Variants in ZNF558 observed in about 807,000 individuals in gnomAD.
ZNF558 encodes zinc finger protein 558.
A neutral mutation model predicts 37.6 loss-of-function variants in ZNF558; 23 were observed. The ratio of observed to expected loss-of-function variants is 0.61; its 90% CI spans 0.44 to 0.87. ZNF558 has a LOEUF of 0.87. Among genes scored for constraint, ZNF558 ranks in the 40% least tolerant of loss-of-function variants. ZNF558 has a pLI of 0.00. For synonymous variants in ZNF558, 189 were observed against 174.4 expected (o/e 1.08, Z -0.66); for missense variants, 429 against 483.7 (o/e 0.89, Z 1.06).
Position 8,829,133 on chromosome 19 carries a change from G to A in ZNF558, c.-509+2185C>T, listed in dbSNP as rs192572114. 2.8e-3 allele frequency among the ~76,000 whole-genome samples: 424 copies of A among 152,044 alleles called. 5 individuals are homozygous for A. The highest frequency in any genetic ancestry group is 9.8e-3 in the African/African-American group (405 of 41,482). ...AAAAATTAACCGGGCATGGTGGTAGGCGCCTGTAATCCCAGCTACTCAGGA... is the reference window on the plus strand; with the variant it reads ...AAAAATTAACCGGGCATGGTGGTAGACGCCTGTAATCCCAGCTACTCAGGA... On this transcript the variant is annotated intron_variant, in intron 2 of 9. Transcript: ENST00000601372.
rs1555768022 is a variant in ZNF558 at position 8,811,579 on chromosome 19, C to A, written c.911G>T (p.Ser304Ile). ...CHDCGKTFRK[S>I]SYLTQHVRTH... ...TCTTACGTGCTGTGTCAGATAGGAG[C>A]TCTTCCTGAAGGTTTTCCCACAATC... Residue 304 changes from serine to isoleucine, a missense_variant, in exon 10 of 10, where the codon AGC becomes ATC. Coordinates refer to ENST00000601372, the MANE Select transcript of ZNF558 (RefSeq NM_144693.3). 4 of 1,613,930 alleles carry A rather than the reference C, an allele frequency of 2.5e-6. No individual in the cohort carries two copies. Among genetic ancestry groups the A allele is most frequent in the Admixed American group, 1.7e-5 (1 of 60,010 alleles).
rs947564945 is a variant in ZNF558 at position 8,822,489 on chromosome 19, G to C, written c.31+140C>G. 5 of 1,194,464 alleles carry C rather than the reference G, an allele frequency of 4.2e-6. No homozygotes were observed. In the African/African-American group the frequency reaches 4.6e-5, roughly 11 times the overall value. The allele number at this position is 1,194,464 out of a possible 1,614,324, so 74.0% of individuals were successfully genotyped here. A position where few individuals can be genotyped will look rare whatever the true frequency, so the allele number is the denominator to read the frequency against. ...AAGTCCCAAATCCCGAGAGCTGCCC[G>C]ATCAGACACGGAGGACCTCTGGGCC... is the stretch of plus-strand genomic sequence containing the variant. On this transcript the variant is annotated intron_variant, in intron 5 of 9. Transcript: ENST00000601372. The surrounding 1 kb of genome is among the most constrained non-coding windows in gnomAD (Gnocchi z 4.4).
chr19:8,820,776 C>T (rs2044065886), intron 7 of ZNF558, among the ~76,000 whole-genome samples: 1 of 152,128 alleles, frequency 6.6e-6, no homozygotes, highest in Non-Finnish European at 1.5e-5. Context: ...ACACCTGGCC[C>T]ATAGCTAAGT....
In ZNF558 at chr19:8,811,284, T is replaced by C; in HGVS notation, c.1206A>G (p.Ile402Met). The C allele has an allele frequency of 6.4e-7, 1 of 1,554,046 alleles. No individual in the cohort carries two copies. The highest frequency in any genetic ancestry group is 8.7e-7 in the Non-Finnish European group (1 of 1,153,098). Residue 402 changes from isoleucine (I) to methionine (M), a missense_variant, in exon 10 of 10, where the codon ATA becomes ATG. Coordinates refer to ENST00000601372, the MANE Select transcript of ZNF558 (RefSeq NM_144693.3). ...CTCCAGAAGTTCCTGCAGTAATTCA[T>C]ATCCATCTATTATGTATTCTCTTGT... is the stretch of plus-strand genomic sequence containing the variant. ...SVHKRIHNRW[I>M]
At position 8,813,108 on chromosome 19, in the gene ZNF558, A is replaced by G. The variant is rs1555768914; in HGVS notation, c.343+19T>C. ...CCAGAGCTATTCCTCACAAGGGCTC[A>G]TATCCACCTGGTGCTCACCTGGACA... On this transcript the variant is annotated intron_variant, in intron 8 of 9. Coordinates refer to ENST00000601372, the MANE Select transcript of ZNF558 (RefSeq NM_144693.3). The G allele has an allele frequency of 6.4e-7, 1 of 1,562,652 alleles. No individual in the cohort carries two copies. Among genetic ancestry groups the G allele is most frequent in the South Asian group, 1.2e-5 (1 of 85,322 alleles).
At chr19:8,837,324 A>G in the ZNF558 span, among the ~76,000 whole-genome samples, 1 of 152,226 alleles carries the variant, frequency 6.6e-6, no homozygotes, top group Non-Finnish European at 1.5e-5. Flanking sequence ...AACAATGGCA[A>G]AATAAGTACT....
At position 8,821,417 on chromosome 19, in the gene ZNF558, T is replaced by C. The variant is rs564975878; in HGVS notation, c.121-111A>G. 1,464 of 1,596,468 alleles carry C rather than the reference T, an allele frequency of 9.2e-4. 55 individuals are homozygous for C. The East Asian group carries it at 0.027, about 29-fold the overall frequency. ...GCTGGGGAAACCTGAGCACGAGATGTTGGGGGGGGTGGTTCTGAGCTCACC... is the reference window on the plus strand; with the variant it reads ...GCTGGGGAAACCTGAGCACGAGATGCTGGGGGGGGTGGTTCTGAGCTCACC... On this transcript the variant is annotated intron_variant, in intron 6 of 9. Transcript: ENST00000601372.
At chr19:8,823,951 T>G (rs1297087394) in intron 4 of ZNF558, 131 bp downstream of exon 4, 1 of 152,288 alleles carries the variant, frequency 6.6e-6, no homozygotes, top group Admixed American at 6.6e-5. Context: ...CCTCCTCTCC[T>G]CTCTTTAAAC....
intron 7 of ZNF558, 71 bp downstream of exon 7, chr19:8,821,109 A>T: frequency 2.6e-6 from 4 of 1,561,982 alleles, no homozygotes; most frequent in Non-Finnish European, 8.7e-7. Flanking sequence ...CCACAATAAA[A>T]AAAGTAAGCA....
chr19:8,812,294 G>A (rs1159042704), intron 9 of ZNF558, among the ~76,000 whole-genome samples: 1 of 152,152 alleles, frequency 6.6e-6, no homozygotes, highest in African/African-American at 2.4e-5. Flanking sequence ...CTGATAACGT[G>A]TGGATGAAGT....
intron 6 of ZNF558, 159 bp from the exon 7 acceptor site, chr19:8,821,465 C>T: frequency 6.7e-7 from 1 of 1,497,770 alleles, no homozygotes; most frequent in Non-Finnish European, 8.9e-7. Context: ...GAGCTCCTCT[C>T]CCAGGGTTCT....
Position 8,821,161 on chromosome 19 carries a change from G to A in ZNF558, c.247+19C>T, listed in dbSNP as rs759096484. Reference sequence around the variant, plus strand: ...CCACTGGAGTCATTAAATAAATGCAGGAATGACATTAGGCTTACCTAGTGA... The same window carrying A: ...CCACTGGAGTCATTAAATAAATGCAAGAATGACATTAGGCTTACCTAGTGA... On this transcript the variant is annotated intron_variant, in intron 7 of 9. Coordinates refer to ENST00000601372, the MANE Select transcript of ZNF558 (RefSeq NM_144693.3). The A allele has an allele frequency of 1.2e-6, 2 of 1,610,822 alleles. No homozygotes were observed. The highest frequency in any genetic ancestry group is 1.7e-5 in the Admixed American group (1 of 59,770).
At chr19:8,820,722 C>T (rs963790782) in intron 7 of ZNF558, among the ~76,000 whole-genome samples, 15 of 152,238 alleles carry the variant, frequency 9.9e-5, no homozygotes, top group Admixed American at 5.2e-4. Flanking sequence ...GTGATCCGCC[C>T]GCCTCGGCCT....
intron 4 of ZNF558, chr19:8,823,015 C>A (rs1388995999): frequency 1.0e-5 from 3 of 289,952 alleles, no homozygotes; most frequent in Non-Finnish European, 2.1e-5. Flanking sequence ...ACCACAAACG[C>A]ATTCCCGGCT....
Position 8,811,704 on chromosome 19 carries a change from A to G in ZNF558, c.786T>C (p.Asn262=), listed in dbSNP as rs200888899. 3 of 1,613,844 alleles carry G rather than the reference A, an allele frequency of 1.9e-6. No homozygotes were observed. The highest frequency in any genetic ancestry group is 2.5e-6 in the Non-Finnish European group (3 of 1,180,006). The part of the protein sequence containing the change: ...KSHKRIHTGE[N]HHECNQCGKA... The stretch of plus-strand genomic sequence containing the variant: ...TTCCACACTGATTACATTCATGGTG[A>G]TTCTCCCCCGTGTGAATCCTCTTGT... Residue 262 remains asparagine, a synonymous_variant, in exon 10 of 10, where the codon AAT becomes AAC. Coordinates refer to ENST00000601372, the MANE Select transcript of ZNF558 (RefSeq NM_144693.3).
At position 8,807,922 on chromosome 19, in the gene ZNF558, C is replaced by CT. The variant is rs1555766489; in HGVS notation, c.*3358_*3359insA. 6.6e-6 allele frequency: 1 copy of CT among 152,166 alleles called. No individual in the cohort carries two copies. The highest frequency in any genetic ancestry group is 1.9e-4 in the East Asian group (1 of 5,200). The allele number at this position is 152,166 out of a possible 1,614,324, so 9.4% of individuals were successfully genotyped here. A position where few individuals can be genotyped will look rare whatever the true frequency, so the allele number is the denominator to read the frequency against. On this transcript the variant is annotated 3_prime_UTR_variant, in exon 10 of 10. Coordinates refer to ENST00000601372, the MANE Select transcript of ZNF558 (RefSeq NM_144693.3). The stretch of plus-strand genomic sequence containing the variant: ...GTTCAGATCTTGGCTCTACCATTTA[C>CT]CAGTCAGTGAATGCAGGCAAGTAAC...
chr19:8,834,488 G>A (rs2044431606), upstream of ZNF558, among the ~76,000 whole-genome samples: 2 of 151,736 alleles, frequency 1.3e-5, no homozygotes, highest in Admixed American at 6.6e-5. Flanking sequence ...GGCGCCTATA[G>A]TCCCAGCTAC....
upstream of ZNF558, chr19:8,832,333 A>G (rs1457621229): frequency 2.0e-5 from 3 of 152,238 alleles, no homozygotes; most frequent in Non-Finnish European, 1.5e-5. Flanking sequence ...CGGTCTGGGG[A>G]GAGGTGCGCT....
rs1555767916 is a variant in ZNF558 at position 8,811,450 on chromosome 19, G to A, written c.1040C>T (p.Pro347Leu). 2 of 1,614,012 alleles carry A rather than the reference G, an allele frequency of 1.2e-6. No individual in the cohort carries two copies. The highest frequency in any genetic ancestry group is 2.2e-5 in the East Asian group (1 of 44,870). ...TTTTCCACAGTCACTGCACTCGTAG[G>A]GTTTCTCTCCGGTATGTATTCTCTT... ...VHKRIHTGEK[P>L]YECSDCGKAF... Residue 347 changes from proline to leucine, a missense_variant, in exon 10 of 10, where the codon CCC (proline) becomes CTC (leucine). Transcript: ENST00000601372.
Sources: gnomAD v4.1 joint callset for allele counts (sites outside exome capture counted in the v4.1 genomes callset) on GRCh38, gnomAD v4.1.1 for gene constraint, Gnocchi (gnomAD v3.1) non-coding constraint, MANE v1.5 for transcripts, NCBI Gene and HGNC (gene_info 2026-07-23, HGNC 2026-07-21) for gene names.